Variants in CDK5RAP2 observed in about 807,000 individuals in gnomAD.
The protein encoded by CDK5RAP2 is CDK5 regulatory subunit associated protein 2.
CDK5RAP2 carries 147 observed loss-of-function variants against 232.9 expected under a neutral mutation model. The ratio of observed to expected loss-of-function variants is 0.63; its 90% CI spans 0.55 to 0.72. The LOEUF (loss-of-function observed/expected upper bound fraction) is 0.72, where lower values mean the gene tolerates loss of function less well. Among genes scored for constraint, CDK5RAP2 ranks in the 30% least tolerant of loss-of-function variants. The pLI, the probability that CDK5RAP2 is intolerant of heterozygous loss-of-function variation, is 0.00. For synonymous variants in CDK5RAP2, 833 were observed against 833.7 expected, an observed-to-expected ratio of 1.00 and a Z score of 0.01; for missense variants, 2,195 against 2,231.5, an observed-to-expected ratio of 0.98 and a Z score of 0.33.
At chr9:120,518,805 G>A (rs2040485209) in intron 11 of CDK5RAP2, among the ~76,000 whole-genome samples, 160 bp from the exon 12 acceptor site, 1 of 151,980 alleles carries the variant, frequency 6.6e-6, no homozygotes, top group Non-Finnish European at 1.5e-5. Flanking sequence ...GGAAGATTTT[G>A]GAATAACATA....
chr9:120,427,622 A>C (rs2034998858), intron 25 of CDK5RAP2, among the ~76,000 whole-genome samples: 1 of 152,214 alleles, frequency 6.6e-6, no homozygotes, highest in African/African-American at 2.4e-5. Context: ...GAAAGAATAA[A>C]TTTTGCTTCC....
chr9:120,414,940 T>C lies in CDK5RAP2; in HGVS notation c.4297+100A>G, dbSNP rs2034117289. 4.3e-6 allele frequency: 6 copies of C among 1,405,920 alleles called. No homozygotes were observed. In the Admixed American group the frequency reaches 1.0e-4, roughly 24 times the overall value. The allele number at this position is 1,405,920 out of a possible 1,614,324, so 87.1% of individuals were successfully genotyped here. On this transcript the variant is annotated intron_variant, in intron 28 of 37. Coordinates refer to ENST00000349780, the MANE Select transcript of CDK5RAP2 (RefSeq NM_018249.6). ...TCTCCAAGATGGAAAAATGAACATT[T>C]ATCAAGCACCTGCTTTGTACACAGA... is the stretch of plus-strand genomic sequence containing the variant.
intron 12 of CDK5RAP2, among the ~76,000 whole-genome samples, chr9:120,507,708 G>T (rs1312437679): frequency 1.3e-5 from 2 of 151,478 alleles, no homozygotes; most frequent in Non-Finnish European, 2.9e-5. Context: ...GGAAAAAAAA[G>T]AACCCTATCC....
chr9:120,461,278 C>T (rs1588400521), intron 18 of CDK5RAP2, among the ~76,000 whole-genome samples: 1 of 152,364 alleles, frequency 6.6e-6, no homozygotes, highest in Non-Finnish European at 1.5e-5. Context: ...TAACTTTATG[C>T]TTTTGGAAAT....
At chr9:120,496,675 C>T (rs1335697891) in intron 12 of CDK5RAP2, among the ~76,000 whole-genome samples, 3 of 131,284 alleles carry the variant, frequency 2.3e-5, no homozygotes, top group Non-Finnish European at 3.2e-5. Flanking sequence ...CCGCCCCGTC[C>T]GGGAGGGAGG....
At chr9:120,457,180 C>T (rs2036827509) in intron 20 of CDK5RAP2, among the ~76,000 whole-genome samples, 1 of 152,136 alleles carries the variant, frequency 6.6e-6, no homozygotes, top group Admixed American at 6.6e-5. Flanking sequence ...GGTTCAGGAT[C>T]CCCCAACCAA....
chr9:120,455,801 C>T (rs1223116669), intron 20 of CDK5RAP2, among the ~76,000 whole-genome samples: 1 of 151,828 alleles, frequency 6.6e-6, no homozygotes, highest in East Asian at 1.9e-4. Flanking sequence ...GACGGAGAGG[C>T]CTTGCACACA....
rs368113535 is a variant in CDK5RAP2 at position 120,538,727 on chromosome 9, TA to T, written c.507+313del. ...GGTGCTGTAGGAAGAGCATGGGCTT[TA>T]AAATCCGCATAGTTAAACCCAGGAT... On this transcript the variant is annotated intron_variant, in intron 6 of 37. Coordinates refer to ENST00000349780, the MANE Select transcript of CDK5RAP2 (RefSeq NM_018249.6). 2.0e-4 allele frequency among the ~76,000 whole-genome samples: 30 copies of T among 152,318 alleles called. No individual in the cohort carries two copies. The East Asian group carries it at 5.2e-3, about 26-fold the overall frequency.
intron 23 of CDK5RAP2, among the ~76,000 whole-genome samples, chr9:120,443,172 C>G (rs2035993685): frequency 6.6e-6 from 1 of 152,204 alleles, no homozygotes; most frequent in Non-Finnish European, 1.5e-5. Context: ...CCCACAAACC[C>G]AGTCTCAGCC....
chr9:120,560,351 G>C (rs1050316164), intron 3 of CDK5RAP2, among the ~76,000 whole-genome samples: 2 of 152,146 alleles, frequency 1.3e-5, no homozygotes, highest in African/African-American at 4.8e-5. Context: ...TAAAAATCAC[G>C]TAGAGTGAAG....
chr9:120,496,724 C>T (rs1320453795), intron 12 of CDK5RAP2, among the ~76,000 whole-genome samples: 4 of 126,630 alleles, frequency 3.2e-5, no homozygotes, highest in East Asian at 2.8e-4. Flanking sequence ...CCGCCCCGTT[C>T]GGGAGGGAGG....
At chr9:120,477,123 G>A (rs2038058715) in intron 15 of CDK5RAP2, among the ~76,000 whole-genome samples, 1 of 152,212 alleles carries the variant, frequency 6.6e-6, no homozygotes, top group Admixed American at 6.5e-5. Flanking sequence ...TTTAAAACCT[G>A]AGTAATCAAT....
intron 12 of CDK5RAP2, among the ~76,000 whole-genome samples, chr9:120,496,293 C>T (rs2039227935): frequency 3.8e-5 from 5 of 130,516 alleles, no homozygotes; most frequent in African/African-American, 8.5e-5. Flanking sequence ...AGTGAGGAGC[C>T]CCTCTGCCCG....
intron 12 of CDK5RAP2, among the ~76,000 whole-genome samples, chr9:120,497,732 A>G (rs1034006173): frequency 6.6e-6 from 1 of 152,168 alleles, no homozygotes; most frequent in African/African-American, 2.4e-5. Flanking sequence ...TCTAATCATG[A>G]GAGTGTTGGG....
At chr9:120,535,891 T>G (rs183348906) in intron 7 of CDK5RAP2, among the ~76,000 whole-genome samples, 78 of 152,308 alleles carry the variant, frequency 5.1e-4, no homozygotes, top group African/African-American at 1.8e-3. Context: ...TAATGGAATA[T>G]AAGTCACACG....
At chr9:120,568,214 TG>T in intron 3 of CDK5RAP2, 106 bp downstream of exon 3, 1 of 862,854 alleles carries the variant, frequency 1.2e-6, no homozygotes, top group Non-Finnish European at 2.0e-6. Flanking sequence ...CCCCTGCCTC[TG>T]GCATCACCGA....
intron 34 of CDK5RAP2, among the ~76,000 whole-genome samples, chr9:120,402,109 G>C (rs979399545): frequency 6.6e-6 from 1 of 152,154 alleles, no homozygotes; most frequent in Non-Finnish European, 1.5e-5. Context: ...CTGGGCAACA[G>C]AGTGAGACCC....
At chr9:120,568,020 G>C (rs943114087) in intron 3 of CDK5RAP2, among the ~76,000 whole-genome samples, 1 of 152,128 alleles carries the variant, frequency 6.6e-6, no homozygotes, top group Non-Finnish European at 1.5e-5. Context: ...TGCAACATGC[G>C]AACATCCTCA....
intron 7 of CDK5RAP2, among the ~76,000 whole-genome samples, chr9:120,534,764 T>C (rs1261335499): frequency 6.6e-6 from 1 of 152,226 alleles, no homozygotes; most frequent in East Asian, 1.9e-4. Context: ...TCTTTTCTTC[T>C]TTGGTGGCTG....
Sources: gnomAD v4.1 joint callset for allele counts (sites outside exome capture counted in the v4.1 genomes callset) on GRCh38, gnomAD v4.1.1 for gene constraint, MANE v1.5 for transcripts, NCBI Gene and HGNC (gene_info 2026-07-23, HGNC 2026-07-21) for gene names.